Variants in TMTC2 observed in about 807,000 individuals in gnomAD.
TMTC2 encodes protein O-mannosyl-transferase TMTC2.
In TMTC2, 43 loss-of-function variants were observed where a neutral mutation model predicts 82.4. The ratio of observed to expected loss-of-function variants is 0.52; its 90% CI spans 0.41 to 0.67. The LOEUF is 0.67. Among genes scored for constraint, TMTC2 ranks in the 30% least tolerant of loss-of-function variants. TMTC2 has a pLI of 0.00. For synonymous variants in TMTC2, 408 were observed against 381.9 expected (o/e 1.07, Z -0.80); for missense variants, 919 against 1,012.4 (o/e 0.91, Z 1.25).
At chr12:82,779,970 C>T (rs1439752061) in intron 1 of TMTC2, among the ~76,000 whole-genome samples, 2 of 152,044 alleles carry the variant, frequency 1.3e-5, no homozygotes, top group African/African-American at 2.4e-5. Flanking sequence ...CTCATCCATT[C>T]GACTGCTACT....
chr12:83,125,593 ATCTC>A (rs1455523512), intron 11 of TMTC2, among the ~76,000 whole-genome samples: 2 of 152,182 alleles, frequency 1.3e-5, no homozygotes, highest in African/African-American at 4.8e-5. Flanking sequence ...AGAAATCCCA[ATCTC>A]AGATTTTAGC....
chr12:83,082,270 A>G (rs1883497575), intron 11 of TMTC2, among the ~76,000 whole-genome samples: 1 of 152,202 alleles, frequency 6.6e-6, no homozygotes, highest in Admixed American at 6.5e-5. Context: ...TGTGTGCTGT[A>G]TCATTTAAAG....
At chr12:83,087,280 A>G (rs561762013) in intron 11 of TMTC2, among the ~76,000 whole-genome samples, 50 of 152,146 alleles carry the variant, frequency 3.3e-4, no homozygotes, top group African/African-American at 1.1e-3. Flanking sequence ...TTCTAATTCT[A>G]ATTCTCTTGT....
intron 1 of TMTC2, among the ~76,000 whole-genome samples, chr12:82,791,086 T>A (rs897833838): frequency 1.3e-5 from 2 of 152,054 alleles, no homozygotes; most frequent in Admixed American, 1.3e-4. Flanking sequence ...CATGGAAACA[T>A]AGCTTATCTT....
At chr12:83,074,317 T>C (rs935933507) in intron 11 of TMTC2, among the ~76,000 whole-genome samples, 1 of 152,156 alleles carries the variant, frequency 6.6e-6, no homozygotes, top group African/African-American at 2.4e-5. Context: ...CAGCGTCATA[T>C]GATGTGAACC....
chr12:83,090,385 G>C (rs1565884540), intron 11 of TMTC2, among the ~76,000 whole-genome samples: 2 of 152,132 alleles, frequency 1.3e-5, no homozygotes, highest in Non-Finnish European at 1.5e-5. Context: ...AAACTCATTT[G>C]CTGTAATTTA....
intron 1 of TMTC2, among the ~76,000 whole-genome samples, chr12:82,774,037 A>G (rs112931569): frequency 4.9e-4 from 75 of 152,218 alleles, no homozygotes; most frequent in African/African-American, 1.7e-3. Flanking sequence ...ACTCATCCCA[A>G]GATATTTTAA....
rs760935297 is a variant in TMTC2, at chr12:82,763,918, AAG to A, written c.83+76251_83+76252del. On this transcript the variant is annotated intron_variant, in intron 1 of 11. Coordinates refer to ENST00000321196, the MANE Select transcript of TMTC2 (RefSeq NM_152588.3). ...AATCCTGAAAAATACAGCTTAAAAAAAGAAAACCACAGCCCAATCTCACTCAT... is the reference window on the plus strand; with the variant it reads ...AATCCTGAAAAATACAGCTTAAAAAAAAAACCACAGCCCAATCTCACTCAT... 2.6e-5 allele frequency among the ~76,000 whole-genome samples: 4 copies of A among 152,368 alleles called. No individual in the cohort carries two copies. In the East Asian group the frequency reaches 5.8e-4, roughly 22 times the overall value.
chr12:82,875,094 AAG>A (rs1254261097), intron 2 of TMTC2, among the ~76,000 whole-genome samples: 2 of 152,126 alleles, frequency 1.3e-5, no homozygotes, highest in African/African-American at 4.8e-5. Context: ...ACTGCAGACA[AAG>A]AGTGTGGTTG....
chr12:82,802,503 C>T (rs1459686781), intron 1 of TMTC2, among the ~76,000 whole-genome samples: 2 of 152,154 alleles, frequency 1.3e-5, no homozygotes, highest in Non-Finnish European at 2.9e-5. Context: ...AGCACGCTGT[C>T]ACCTCTCACT....
At chr12:82,744,317 G>A (rs1875569775) in intron 1 of TMTC2, among the ~76,000 whole-genome samples, 1 of 152,168 alleles carries the variant, frequency 6.6e-6, no homozygotes, top group Non-Finnish European at 1.5e-5. Context: ...CAGCTACTCG[G>A]GAGGCTGAGG....
At chr12:82,729,257 TA>T (rs1483603789) in intron 1 of TMTC2, among the ~76,000 whole-genome samples, 1 of 152,220 alleles carries the variant, frequency 6.6e-6, no homozygotes, top group Non-Finnish European at 1.5e-5. Context: ...TGGCACTCTG[TA>T]TCTACCTCAA....
At position 82,687,299 on chromosome 12, in the gene TMTC2, C is replaced by T. The variant is rs1565708177; in HGVS notation, c.-288C>T. 1 of 503,886 alleles carries T rather than the reference C, an allele frequency of 2.0e-6. No individual in the cohort carries two copies. Among genetic ancestry groups the T allele is most frequent in the Non-Finnish European group, 3.6e-6 (1 of 276,050 alleles). 31.2% of individuals were successfully genotyped at this position (503,886 alleles called of 1,614,324 possible). A position where few individuals can be genotyped will look rare whatever the true frequency, so the allele number is the denominator to read the frequency against. Reference sequence around the variant, plus strand: ...CGCGCGAAAGACCAGCCCTGCGCTTCCGCCGGGGGACGCGGAGCCCAAACG... The same window carrying T: ...CGCGCGAAAGACCAGCCCTGCGCTTTCGCCGGGGGACGCGGAGCCCAAACG... On this transcript the variant is annotated 5_prime_UTR_variant, in exon 1 of 12. Coordinates refer to ENST00000321196, the MANE Select transcript of TMTC2 (RefSeq NM_152588.3).
chr12:82,846,575 G>A (rs1870693864), intron 1 of TMTC2, among the ~76,000 whole-genome samples: 1 of 152,022 alleles, frequency 6.6e-6, no homozygotes, highest in Non-Finnish European at 1.5e-5. Flanking sequence ...TTGCTGTGCA[G>A]ATATAGCTCA....
At chr12:82,770,809 ATTAG>A (rs1338617654) in intron 1 of TMTC2, among the ~76,000 whole-genome samples, 1 of 152,136 alleles carries the variant, frequency 6.6e-6, no homozygotes, top group African/African-American at 2.4e-5. Flanking sequence ...AAATTATCTT[ATTAG>A]TTGTTTCCTT....
At chr12:82,905,610 T>TC (rs1874250483) in intron 3 of TMTC2, among the ~76,000 whole-genome samples, 1 of 152,128 alleles carries the variant, frequency 6.6e-6, no homozygotes, top group Non-Finnish European at 1.5e-5. Context: ...CTGCATTCAC[T>TC]CCCCCAGTGC....
chr12:83,055,760 G>A lies in TMTC2; in HGVS notation c.2267+4742G>A, dbSNP rs115312021. On this transcript the variant is annotated intron_variant, in intron 10 of 11. Coordinates refer to ENST00000321196, the MANE Select transcript of TMTC2 (RefSeq NM_152588.3). The stretch of plus-strand genomic sequence containing the variant: ...TGTGTGTGTGTTTAATCTACTTACA[G>A]GGTAAGGGATAAAAGTAGCATTTGT... 4.3e-3 allele frequency among the ~76,000 whole-genome samples: 652 copies of A among 151,650 alleles called. 2 individuals carry two copies. Among genetic ancestry groups the A allele is most frequent in the African/African-American group, 0.015 (618 of 41,402 alleles).
chr12:83,027,546 T>C (rs750789266), intron 8 of TMTC2, among the ~76,000 whole-genome samples: 2 of 152,210 alleles, frequency 1.3e-5, no homozygotes, highest in Non-Finnish European at 2.9e-5. Context: ...CATATGTCAT[T>C]TCACTTGTAG....
At chr12:82,829,338 T>C (rs1592556306) in intron 1 of TMTC2, among the ~76,000 whole-genome samples, 2 of 152,202 alleles carry the variant, frequency 1.3e-5, no homozygotes, top group South Asian at 4.1e-4. Context: ...TCAGTTGTCC[T>C]TACCTCTCTA....
Sources: gnomAD v4.1 joint callset for allele counts (sites outside exome capture counted in the v4.1 genomes callset) on GRCh38, gnomAD v4.1.1 for gene constraint, MANE v1.5 for transcripts, NCBI Gene and HGNC (gene_info 2026-07-23, HGNC 2026-07-21) for gene names.